CCBE1: variants seen among roughly 807,000 people sequenced by gnomAD.
CCBE1 encodes collagen and calcium binding EGF domains 1.
In CCBE1, 37 loss-of-function variants were observed where a neutral mutation model predicts 50.0. That is an observed-to-expected ratio of 0.74 (90% CI 0.57 to 0.97). The LOEUF (loss-of-function observed/expected upper bound fraction) is 0.97, where lower values mean the gene tolerates loss of function less well. CCBE1 is among the 50% of genes least tolerant of loss of function. The pLI, the probability that CCBE1 is intolerant of heterozygous loss-of-function variation, is 0.00. For missense variants in CCBE1, 538 were observed against 523.8 expected (o/e 1.03, Z -0.26); for synonymous variants, 234 against 203.7 (o/e 1.15, Z -1.27).
At chr18:59,487,818 A>G (rs77599875) in intron 2 of CCBE1, among the ~76,000 whole-genome samples, 9,527 of 152,304 alleles carry the variant, frequency 0.063, 825 homozygotes, top group East Asian at 0.33. Context: ...TAGAATTACC[A>G]TATAATCCAG....
intron 5 of CCBE1, among the ~76,000 whole-genome samples, chr18:59,458,341 C>A (rs889079619): frequency 6.6e-6 from 1 of 152,228 alleles, no homozygotes; most frequent in Non-Finnish European, 1.5e-5. Flanking sequence ...ATCTGTTTAA[C>A]AATTTTCAAT....
chr18:59,525,946 T>G (rs1359637964), intron 2 of CCBE1, among the ~76,000 whole-genome samples: 1 of 152,226 alleles, frequency 6.6e-6, no homozygotes, highest in African/African-American at 2.4e-5. Context: ...CATTGGTCTA[T>G]GTGTCTGTTT....
At chr18:59,503,027 G>A (rs1913698982) in intron 2 of CCBE1, among the ~76,000 whole-genome samples, 1 of 152,252 alleles carries the variant, frequency 6.6e-6, no homozygotes, top group Admixed American at 6.5e-5. Context: ...TTCCTGGCAT[G>A]CAATCACACA....
In CCBE1 at chr18:59,436,151, T is replaced by C. The variant is rs115490148; in HGVS notation, c.988-10A>G. On this transcript the variant is annotated splice_polypyrimidine_tract_variant and intron_variant, in intron 10 of 10. Transcript: ENST00000439986. ...AAGAACCAGGGGGTCCCTGTGTACA[T>C]GGGAGGAATCAAAGCTAGAATACGA... 4.1e-3 allele frequency: 6,604 copies of C among 1,613,006 alleles called. 239 individuals carry two copies. The African/African-American group carries it at 0.075, about 18-fold the overall frequency.
intron 2 of CCBE1, among the ~76,000 whole-genome samples, chr18:59,563,382 A>G (rs2052771382): frequency 2.0e-5 from 3 of 152,248 alleles, no homozygotes; most frequent in African/African-American, 7.2e-5. Flanking sequence ...AACATTTGGA[A>G]GCAGACTATC....
At chr18:59,484,634 A>G (rs926185790) in intron 2 of CCBE1, among the ~76,000 whole-genome samples, 2 of 152,232 alleles carry the variant, frequency 1.3e-5, no homozygotes, top group Admixed American at 6.5e-5. Context: ...CTCCATCAAG[A>G]GAAGATCTGA....
Position 59,646,584 on chromosome 18 carries a change from C to T in CCBE1, c.212+50045G>A, listed in dbSNP as rs562452390. Among the ~76,000 whole-genome samples, 36 of 152,256 alleles carry T rather than the reference C, an allele frequency of 2.4e-4. 1 individual carries two copies. The highest frequency in any genetic ancestry group is 3.4e-3 in the Middle Eastern group (1 of 294). ...GGGCTTTAGGGAACCACAACCCCTGCGAGATTAAACACAGAATTTCGTGTG... is the reference window on the plus strand; with the variant it reads ...GGGCTTTAGGGAACCACAACCCCTGTGAGATTAAACACAGAATTTCGTGTG... On this transcript the variant is annotated intron_variant, in intron 2 of 10. Coordinates refer to ENST00000439986, the MANE Select transcript of CCBE1 (RefSeq NM_133459.4).
Position 59,489,104 on chromosome 18 carries a change from TAGGCTGCTGA to T in CCBE1, c.213-8876_213-8867del, listed in dbSNP as rs1250027722. Among the ~76,000 whole-genome samples the T allele has an allele frequency of 1.6e-4, 24 of 152,348 alleles. No homozygotes were observed. In the South Asian group the frequency reaches 5.0e-3, roughly 32 times the overall value. ...GGCTAAAAAGAGAAGTGAAACCTCT[TAGGCTGCTGA>T]AGCATTTGACTTCTTATGATCAGTG... On this transcript the variant is annotated intron_variant, in intron 2 of 10. Transcript: ENST00000439986.
rs1910040866 is a variant in CCBE1, at chr18:59,433,933, CCT to C, written c.*1973_*1974del. 8.7e-6 allele frequency: 1 copy of C among 114,588 alleles called. No individual in the cohort carries two copies. Among genetic ancestry groups the C allele is most frequent in the African/African-American group, 3.5e-5 (1 of 28,488 alleles). 7.1% of individuals were successfully genotyped at this position (114,588 alleles called of 1,614,324 possible). ...TTTTTTTTTAATGAGACAGAGTCTC[CCT>C]CTGTTGCCTAGGCTGGAGTGCAGTA... is the stretch of plus-strand genomic sequence containing the variant. On this transcript the variant is annotated 3_prime_UTR_variant, in exon 11 of 11. Transcript: ENST00000439986.
chr18:59,629,773 T>C (rs2053828455), intron 2 of CCBE1, among the ~76,000 whole-genome samples: 1 of 152,010 alleles, frequency 6.6e-6, no homozygotes, highest in South Asian at 2.1e-4. Flanking sequence ...CAGACAGGCA[T>C]ATGTGCCTGG....
At chr18:59,631,752 G>A (rs2053851717) in intron 2 of CCBE1, among the ~76,000 whole-genome samples, 1 of 152,160 alleles carries the variant, frequency 6.6e-6, no homozygotes. Context: ...GCTTAGAGTT[G>A]CCACCTTTTC....
At chr18:59,690,334 T>C (rs1249192156) in intron 2 of CCBE1, among the ~76,000 whole-genome samples, 1 of 152,208 alleles carries the variant, frequency 6.6e-6, no homozygotes. Context: ...GCAGATGTTA[T>C]AGCTGTTTAC....
intron 2 of CCBE1, among the ~76,000 whole-genome samples, chr18:59,681,950 C>A (rs1029515660): frequency 1.3e-5 from 2 of 152,176 alleles, no homozygotes; most frequent in Non-Finnish European, 2.9e-5. Context: ...CCCTGTCAGA[C>A]GGTCAGACCT....
Position 59,683,867 on chromosome 18 carries a change from C to T in CCBE1, c.212+12762G>A, listed in dbSNP as rs576021101. Among the ~76,000 whole-genome samples, 10 of 152,004 alleles carry T rather than the reference C, an allele frequency of 6.6e-5. No homozygotes were observed. In the East Asian group the frequency reaches 1.9e-3, roughly 30 times the overall value. On this transcript the variant is annotated intron_variant, in intron 2 of 10. Transcript: ENST00000439986. ...CATCCCAGTCAGTACACATGAGCTC[C>T]CACCTCACCCCCTACATCAGTGACC... is the stretch of plus-strand genomic sequence containing the variant.
intron 2 of CCBE1, among the ~76,000 whole-genome samples, chr18:59,682,647 T>C (rs1311937996): frequency 6.6e-6 from 1 of 152,234 alleles, no homozygotes; most frequent in Admixed American, 6.5e-5. Flanking sequence ...GAGTAAGTAT[T>C]CCTTAGCTAT....
At position 59,522,512 on chromosome 18, in the gene CCBE1, G is replaced by A. The variant is rs115008308; in HGVS notation, c.213-42274C>T. On this transcript the variant is annotated intron_variant, in intron 2 of 10. Transcript: ENST00000439986. ...TACACAATTTTTGGAGAATTAGTGC[G>A]TGACTGGGATCATAGTGGTGGTGGG... Among the ~76,000 whole-genome samples, 1,158 of 152,304 alleles carry A rather than the reference G, an allele frequency of 7.6e-3. 12 individuals are homozygous for A. The highest frequency in any genetic ancestry group is 0.026 in the African/African-American group (1,088 of 41,558).
chr18:59,587,337 T>C (rs764711934), intron 2 of CCBE1, among the ~76,000 whole-genome samples: 1 of 152,158 alleles, frequency 6.6e-6, no homozygotes, highest in Non-Finnish European at 1.5e-5. Context: ...AGTGTAACAC[T>C]GAAAACAATA....
At chr18:59,535,390 G>A (rs187618721) in intron 2 of CCBE1, among the ~76,000 whole-genome samples, 83 of 152,204 alleles carry the variant, frequency 5.5e-4, no homozygotes, top group African/African-American at 1.8e-3. Flanking sequence ...GTAAAAGCCC[G>A]GCATTACCGG....
At chr18:59,696,473 C>T (rs1480436072) in intron 2 of CCBE1, 156 bp downstream of exon 2, 4 of 1,504,128 alleles carry the variant, frequency 2.7e-6, no homozygotes, top group Non-Finnish European at 3.5e-6. Context: ...CCAACCAACC[C>T]TCAAAGATTC....
Sources: allele counts gnomAD v4.1 joint callset (sites outside exome capture counted in the v4.1 genomes callset), GRCh38; gene constraint gnomAD v4.1.1; transcripts MANE v1.5; gene names NCBI Gene and HGNC (gene_info 2026-07-23, HGNC 2026-07-21).